The following BBS4 variants were observed in gnomAD, a reference collection of about 807,000 sequenced individuals.
BBS4 encodes Bardet-Biedl syndrome 4.
A neutral mutation model predicts 71.4 loss-of-function variants in BBS4; 58 were observed. The ratio of observed to expected loss-of-function variants is 0.81; its 90% CI spans 0.66 to 1.01. The LOEUF is 1.01. BBS4 is among the 50% of genes least tolerant of loss of function. BBS4 has a pLI of 0.00. For missense variants in BBS4, 660 were observed against 607.9 expected, an observed-to-expected ratio of 1.09 and a Z score of -0.90; for synonymous variants, 228 against 216.8, an observed-to-expected ratio of 1.05 and a Z score of -0.46.
chr15:72,714,827 A>G (rs1417526304), intron 4 of BBS4, among the ~76,000 whole-genome samples: 1 of 152,226 alleles, frequency 6.6e-6, no homozygotes, highest in African/African-American at 2.4e-5. Context: ...TACACTGACA[A>G]CTGAAGTCTT....
chr15:72,698,619 TTATC>T (rs546634558), intron 2 of BBS4, among the ~76,000 whole-genome samples: 5 of 152,236 alleles, frequency 3.3e-5, no homozygotes, highest in African/African-American at 4.8e-5. Context: ...CACATTTTGT[TTATC>T]TGTCTGTTGA....
At chr15:72,693,789 A>G (rs1263167252) in intron 1 of BBS4, among the ~76,000 whole-genome samples, 1 of 152,152 alleles carries the variant, frequency 6.6e-6, no homozygotes, top group Non-Finnish European at 1.5e-5. Context: ...AGTACCTGAC[A>G]CTGGAGTAAT....
At chr15:72,719,676 T>A (rs2065530918) in intron 6 of BBS4, among the ~76,000 whole-genome samples, 1 of 152,108 alleles carries the variant, frequency 6.6e-6, no homozygotes, top group Non-Finnish European at 1.5e-5. Context: ...AGAGCTCATT[T>A]GGTATTACTG....
intron 13 of BBS4, 87 bp from the exon 14 acceptor site, chr15:72,735,738 T>C: frequency 1.3e-6 from 2 of 1,530,520 alleles, no homozygotes; most frequent in Non-Finnish European, 1.8e-6. Flanking sequence ...TTAACCAGTT[T>C]TGTTTTGTTT....
In BBS4 at chr15:72,686,252, G is replaced by T. The variant is rs759520211; in HGVS notation, c.24+1G>T. 17 of 1,565,592 alleles carry T rather than the reference G, an allele frequency of 1.1e-5. No individual in the cohort carries two copies. Among genetic ancestry groups the T allele is most frequent in the Non-Finnish European group, 1.5e-5 (17 of 1,155,906 alleles). Reference sequence around the variant, plus strand: ...AATGGCTGAGGAGAGAGTCGCGACGGTGAGCGCCGAGATTCTCTTTAGTTG... The same window carrying T: ...AATGGCTGAGGAGAGAGTCGCGACGTTGAGCGCCGAGATTCTCTTTAGTTG... On this transcript the variant is annotated splice_donor_variant, in intron 1 of 15. Transcript: ENST00000268057. LOFTEE classifies it high-confidence loss of function.
rs373861071 is a variant in BBS4, at chr15:72,686,258, G to A, written c.24+7G>A. On this transcript the variant is annotated splice_region_variant and intron_variant, in intron 1 of 15. Transcript: ENST00000268057. ...TGAGGAGAGAGTCGCGACGGTGAGC[G>A]CCGAGATTCTCTTTAGTTGCCCGGC... 7.7e-6 allele frequency: 12 copies of A among 1,564,822 alleles called. No individual in the cohort carries two copies. Among genetic ancestry groups the A allele is most frequent in the Non-Finnish European group, 9.5e-6 (11 of 1,155,524 alleles).
chr15:72,719,196 G>A (rs895347937), intron 6 of BBS4, among the ~76,000 whole-genome samples: 37 of 152,136 alleles, frequency 2.4e-4, no homozygotes, highest in African/African-American at 8.7e-4. Context: ...TACAGGCCAG[G>A]GAGGAGCCAG....
At position 72,693,703 on chromosome 15, in the gene BBS4, C is replaced by A. The variant is rs1445413080; in HGVS notation, c.25-1474C>A. On this transcript the variant is annotated intron_variant, in intron 1 of 15. Transcript: ENST00000268057. ...GTAAAAATCATTCGTAGCTTGTAGA[C>A]CAAATAAACAGGATGGATTTGACCT... is the stretch of plus-strand genomic sequence containing the variant. Among the ~76,000 whole-genome samples the A allele has an allele frequency of 9.9e-5, 15 of 152,140 alleles. 1 individual carries two copies. The South Asian group carries it at 2.9e-3, about 29-fold the overall frequency.
intron 2 of BBS4, chr15:72,704,285 A>G: frequency 2.4e-6 from 1 of 413,534 alleles, no homozygotes; most frequent in Non-Finnish European, 4.5e-6. Flanking sequence ...GTAGCATTGG[A>G]GATGATCACT....
chr15:72,723,242 C>T (rs1335237540), intron 7 of BBS4, among the ~76,000 whole-genome samples: 2 of 152,040 alleles, frequency 1.3e-5, no homozygotes, highest in East Asian at 1.9e-4. Flanking sequence ...TTTTTAGGGT[C>T]ATTGAAAATA....
intron 2 of BBS4, among the ~76,000 whole-genome samples, chr15:72,702,099 G>C (rs2065180543): frequency 6.6e-6 from 1 of 151,954 alleles, no homozygotes; most frequent in Admixed American, 6.6e-5. Flanking sequence ...GCCTGCCTCG[G>C]CCTCCCAAAG....
chr15:72,695,437 G>A (rs1425811865), intron 2 of BBS4, among the ~76,000 whole-genome samples: 5 of 152,024 alleles, frequency 3.3e-5, no homozygotes, highest in Admixed American at 6.6e-5. Flanking sequence ...ACAGGTGCAC[G>A]CCACCACACC....
intron 8 of BBS4, among the ~76,000 whole-genome samples, chr15:72,725,173 A>G (rs955357958): frequency 1.3e-5 from 2 of 151,162 alleles, no homozygotes; most frequent in Non-Finnish European, 2.9e-5. Context: ...CAATCTTCCT[A>G]CCTCAGCCTC....
intron 8 of BBS4, among the ~76,000 whole-genome samples, chr15:72,725,753 C>G (rs1242799158): frequency 1.3e-5 from 1 of 77,144 alleles, no homozygotes; most frequent in Non-Finnish European, 2.4e-5. Flanking sequence ...TTCCCTTTCC[C>G]CCTTCCCCCT....
At chr15:72,695,727 A>G (rs951602979) in intron 2 of BBS4, among the ~76,000 whole-genome samples, 2 of 152,168 alleles carry the variant, frequency 1.3e-5, no homozygotes, top group African/African-American at 2.4e-5. Flanking sequence ...GGTTGGTTTG[A>G]CCTGGAAATT....
At chr15:72,687,985 T>C (rs1168913737) in intron 1 of BBS4, among the ~76,000 whole-genome samples, 1 of 111,224 alleles carries the variant, frequency 9.0e-6, no homozygotes, top group Non-Finnish European at 1.9e-5. Flanking sequence ...TTTTAAATAT[T>C]AAAAACATAG....
chr15:72,722,734 A>C, intron 6 of BBS4, 60 bp from the exon 7 acceptor site: 2 of 1,471,394 alleles, frequency 1.4e-6, no homozygotes, highest in Non-Finnish European at 1.9e-6. Context: ...CTGTTGTTTC[A>C]CTCTAATACT....
intron 8 of BBS4, among the ~76,000 whole-genome samples, 173 bp downstream of exon 8, chr15:72,724,828 T>C (rs1241848779): frequency 6.6e-6 from 1 of 152,172 alleles, no homozygotes; most frequent in Non-Finnish European, 1.5e-5. Context: ...ACTGTGTTTC[T>C]TTCTTACCTA....
In BBS4 at chr15:72,736,812, A is replaced by G. The variant is rs1395661990; in HGVS notation, c.1299A>G (p.Ala433=). The change falls in exon 15 of 16, where the codon GCA becomes GCG. Residue 433 remains alanine, a synonymous_variant. Coordinates refer to ENST00000268057, the MANE Select transcript of BBS4 (RefSeq NM_033028.5). ...KLGAALQVGE[A]LVWTKPVKDP... is the part of the protein sequence containing the mutation. ...GAGCTGCTCTCCAGGTTGGGGAGGC[A>G]CTGGTCTGGACCAAACCAGTTAAAG... 7 of 1,614,098 alleles carry G rather than the reference A, an allele frequency of 4.3e-6. No homozygotes were observed. The African/African-American group carries it at 8.0e-5, about 18-fold the overall frequency.
Sources: allele counts gnomAD v4.1 joint callset (sites outside exome capture counted in the v4.1 genomes callset), GRCh38; gene constraint gnomAD v4.1.1; transcripts MANE v1.5; gene names NCBI Gene and HGNC (gene_info 2026-07-23, HGNC 2026-07-21).